The following AGPAT4 variants were observed in gnomAD, a reference collection of about 807,000 sequenced individuals.
AGPAT4 encodes the protein 1-acylglycerol-3-phosphate O-acyltransferase 4.
AGPAT4 carries 15 observed loss-of-function variants against 48.0 expected under a neutral mutation model. That is an observed-to-expected ratio of 0.31 (90% CI 0.21 to 0.48). The LOEUF (loss-of-function observed/expected upper bound fraction) is 0.48. AGPAT4 is among the 20% of genes least tolerant of loss of function. AGPAT4 has a pLI of 0.99. For missense variants in AGPAT4, 314 were observed against 482.5 expected (o/e 0.65, Z 3.27); for synonymous variants, 178 against 198.7 (o/e 0.90, Z 0.88).
At position 161,161,193 on chromosome 6, in the gene AGPAT4, G is replaced by C. The variant is rs1410034020; in HGVS notation, c.348+5055C>G. ...TGGCTTGTTAAAGACACTGCCAGAG[G>C]ATCCTGGTCAACAAAGAAGAAGACC... On this transcript the variant is annotated intron_variant, in intron 3 of 8. Coordinates refer to ENST00000320285, the MANE Select transcript of AGPAT4 (RefSeq NM_020133.3). The surrounding 1 kb of genome is among the most constrained non-coding windows in gnomAD (Gnocchi z 4.6). 2.2e-6 allele frequency: 1 copy of C among 456,726 alleles called. No individual in the cohort carries two copies. The highest frequency in any genetic ancestry group is 1.5e-5 in the South Asian group (1 of 64,574). 28.3% of individuals were successfully genotyped at this position (456,726 alleles called of 1,614,324 possible).
rs1417385175 is a variant in AGPAT4, at chr6:161,232,627, G to A, written c.-89-325C>T. Among the ~76,000 whole-genome samples the A allele has an allele frequency of 2.0e-5, 3 of 152,278 alleles. No homozygotes were observed. Among genetic ancestry groups the A allele is most frequent in the African/African-American group, 2.4e-5 (1 of 41,560 alleles). ...GCTGGGCAGCAGCTGAGCCAGCCAC[G>A]GAGCCCTGGGTCCCACTTGAGTGAC... is the stretch of plus-strand genomic sequence containing the variant. On this transcript the variant is annotated intron_variant, in intron 1 of 8. Coordinates refer to ENST00000320285, the MANE Select transcript of AGPAT4 (RefSeq NM_020133.3). This position sits in a 1 kb window ranked among gnomAD's most constrained non-coding sequence, Gnocchi z 6.8.
rs1056635565 is a variant in AGPAT4, at chr6:161,214,399, G to A, written c.178+17637C>T. On this transcript the variant is annotated intron_variant, in intron 2 of 8. Transcript: ENST00000320285. This position sits in a 1 kb window ranked among gnomAD's most constrained non-coding sequence, Gnocchi z 5.4. ...GGTTTCAGAAGCCTGTTGCTCCTAG[G>A]CTGCTCACCTGTACAGCATGTGACT... Among the ~76,000 whole-genome samples, 1 of 152,136 alleles carries A rather than the reference G, an allele frequency of 6.6e-6. No homozygotes were observed. Among genetic ancestry groups the A allele is most frequent in the South Asian group, 2.1e-4 (1 of 4,826 alleles).
rs1347084561 is a variant in AGPAT4 at position 161,219,692 on chromosome 6, A to C, written c.178+12344T>G. ...GCATCCATTCATACAATTCAGTATC[A>C]CATGTGTATTCCTAAACTTGCTGAT... is the stretch of plus-strand genomic sequence containing the variant. On this transcript the variant is annotated intron_variant, in intron 2 of 8. Coordinates refer to ENST00000320285, the MANE Select transcript of AGPAT4 (RefSeq NM_020133.3). The surrounding 1 kb of genome is among the most constrained non-coding windows in gnomAD (Gnocchi z 4.9). Among the ~76,000 whole-genome samples the C allele has an allele frequency of 6.6e-6, 1 of 152,220 alleles. No individual in the cohort carries two copies. The highest frequency in any genetic ancestry group is 1.5e-5 in the Non-Finnish European group (1 of 68,030).
In AGPAT4 at chr6:161,233,615, A is replaced by G. The variant is rs1275339559; in HGVS notation, c.-89-1313T>C. 6.6e-6 allele frequency among the ~76,000 whole-genome samples: 1 copy of G among 152,226 alleles called. No individual in the cohort carries two copies. The highest frequency in any genetic ancestry group is 2.4e-5 in the African/African-American group (1 of 41,456). ...GTTTTTCACTTTCAGTACAGTATTC[A>G]ATAAATTACAAGGCCTATTCAGCAC... On this transcript the variant is annotated intron_variant, in intron 1 of 8. Coordinates refer to ENST00000320285, the MANE Select transcript of AGPAT4 (RefSeq NM_020133.3). This position sits in a 1 kb window ranked among gnomAD's most constrained non-coding sequence, Gnocchi z 5.4.
rs1364223221 is a variant in AGPAT4 at position 161,165,057 on chromosome 6, C to T, written c.348+1191G>A. Among the ~76,000 whole-genome samples the T allele has an allele frequency of 6.6e-6, 1 of 152,156 alleles. No homozygotes were observed. Among genetic ancestry groups the T allele is most frequent in the Non-Finnish European group, 1.5e-5 (1 of 68,030 alleles). ...AACCCTGCCATTCACCCCTGGTATC[C>T]ATGACGGGGTTAGGACCATGACATT... On this transcript the variant is annotated intron_variant, in intron 3 of 8. Coordinates refer to ENST00000320285, the MANE Select transcript of AGPAT4 (RefSeq NM_020133.3). The surrounding 1 kb of genome is among the most constrained non-coding windows in gnomAD (Gnocchi z 5.5).
chr6:161,137,032 A>G lies in AGPAT4; in HGVS notation c.1043-398T>C, dbSNP rs1171433463. Among the ~76,000 whole-genome samples the G allele has an allele frequency of 1.3e-5, 2 of 152,220 alleles. No individual in the cohort carries two copies. Among genetic ancestry groups the G allele is most frequent in the Admixed American group, 6.5e-5 (1 of 15,284 alleles). On this transcript the variant is annotated intron_variant, in intron 8 of 8. Coordinates refer to ENST00000320285, the MANE Select transcript of AGPAT4 (RefSeq NM_020133.3). The surrounding 1 kb of genome is among the most constrained non-coding windows in gnomAD (Gnocchi z 6.1). ...GAAGTTTTATAAAGAACAGACCAGGAGCCTGGAAGACGCAAGAGCTCGAGT... is the reference window on the plus strand; with the variant it reads ...GAAGTTTTATAAAGAACAGACCAGGGGCCTGGAAGACGCAAGAGCTCGAGT...
chr6:161,168,529 C>T (rs1012739269), intron 2 of AGPAT4, among the ~76,000 whole-genome samples: 11 of 152,146 alleles, frequency 7.2e-5, no homozygotes, highest in South Asian at 2.1e-4. Context: ...AGAGCACGGG[C>T]GCCACGAGAC....
chr6:161,255,311 C>T lies in AGPAT4; in HGVS notation c.-90+18627G>A, dbSNP rs1168386070. ...ATTTTGGGAAGTGAATGAAACACAT[C>T]CAGCTGTAGTTCTTCTGATGTTAGA... On this transcript the variant is annotated intron_variant, in intron 1 of 8. Coordinates refer to ENST00000320285, the MANE Select transcript of AGPAT4 (RefSeq NM_020133.3). The surrounding 1 kb of genome is among the most constrained non-coding windows in gnomAD (Gnocchi z 4.7). Among the ~76,000 whole-genome samples the T allele has an allele frequency of 6.6e-6, 1 of 152,192 alleles. No homozygotes were observed. The highest frequency in any genetic ancestry group is 1.5e-5 in the Non-Finnish European group (1 of 68,034).
chr6:161,160,580 A>C (rs1779899207), intron 3 of AGPAT4: 1 of 184,658 alleles, frequency 5.4e-6, no homozygotes, highest in Non-Finnish European at 1.2e-5. Flanking sequence ...CAGGCCCCAA[A>C]CTATTCTGGG....
chr6:161,139,917 C>G lies in AGPAT4; in HGVS notation c.844-297G>C, dbSNP rs939606844. Among the ~76,000 whole-genome samples, 6 of 152,232 alleles carry G rather than the reference C, an allele frequency of 3.9e-5. No homozygotes were observed. Among genetic ancestry groups the G allele is most frequent in the African/African-American group, 1.4e-4 (6 of 41,464 alleles). The stretch of plus-strand genomic sequence containing the variant: ...CAGGCCAGCCTGGGCTAGGATCCAC[C>G]CTCTGTGGGCAGGCACCTGCATCCC... On this transcript the variant is annotated intron_variant, in intron 7 of 8. Transcript: ENST00000320285. The surrounding 1 kb of genome is among the most constrained non-coding windows in gnomAD (Gnocchi z 9.1).
rs1470901897 is a variant in AGPAT4 at position 161,204,701 on chromosome 6, A to T, written c.178+27335T>A. On this transcript the variant is annotated intron_variant, in intron 2 of 8. Coordinates refer to ENST00000320285, the MANE Select transcript of AGPAT4 (RefSeq NM_020133.3). The surrounding 1 kb of genome is among the most constrained non-coding windows in gnomAD (Gnocchi z 4.4). ...AGCTGTTAAAAAAAAATGTTCCCTA[A>T]ATTCACAGAATATGAGTGCTACAGT... Among the ~76,000 whole-genome samples the T allele has an allele frequency of 6.6e-6, 1 of 152,072 alleles. No individual in the cohort carries two copies. Among genetic ancestry groups the T allele is most frequent in the Non-Finnish European group, 1.5e-5 (1 of 68,028 alleles).
rs1200188304 is a variant in AGPAT4, at chr6:161,154,387, TA to T, written c.349-78del. ...CTGCCGGGGCTGTTGGAGACTGAAG[TA>T]GAAAAAGAGGAGGGGACGTTCACAC... On this transcript the variant is annotated intron_variant, in intron 3 of 8. Transcript: ENST00000320285. This position sits in a 1 kb window ranked among gnomAD's most constrained non-coding sequence, Gnocchi z 7.8. 9 of 1,562,580 alleles carry T rather than the reference TA, an allele frequency of 5.8e-6. No homozygotes were observed. In the African/African-American group the frequency reaches 1.2e-4, roughly 21 times the overall value.
In AGPAT4 at chr6:161,231,714, T is replaced by C. The variant is rs1486962521; in HGVS notation, c.178+322A>G. On this transcript the variant is annotated intron_variant, in intron 2 of 8. Coordinates refer to ENST00000320285, the MANE Select transcript of AGPAT4 (RefSeq NM_020133.3). This position sits in a 1 kb window ranked among gnomAD's most constrained non-coding sequence, Gnocchi z 5.3. ...TGCATTTACAAGTATAAGAGCTATA[T>C]GTATACTATTTCTGTAAGGATAACT... 6.6e-6 allele frequency among the ~76,000 whole-genome samples: 1 copy of C among 152,234 alleles called. No homozygotes were observed. The highest frequency in any genetic ancestry group is 1.5e-5 in the Non-Finnish European group (1 of 68,040).
chr6:161,263,003 A>G (rs1783147225), intron 1 of AGPAT4, among the ~76,000 whole-genome samples: 1 of 152,294 alleles, frequency 6.6e-6, no homozygotes, highest in Non-Finnish European at 1.5e-5. Flanking sequence ...GCGAGTGACC[A>G]GAGGCAGAAG....
rs1779139868 is a variant in AGPAT4 at position 161,138,263 on chromosome 6, A to AAAT, written c.1042+1156_1042+1158dup. On this transcript the variant is annotated intron_variant, in intron 8 of 8. Coordinates refer to ENST00000320285, the MANE Select transcript of AGPAT4 (RefSeq NM_020133.3). This position sits in a 1 kb window ranked among gnomAD's most constrained non-coding sequence, Gnocchi z 4.8. ...TTTAATATTTTAATTTTTAACACTA[A>AAAT]AATACATCTTAATCTTTCAAAAGAC... 6.6e-6 allele frequency among the ~76,000 whole-genome samples: 1 copy of AAAT among 152,180 alleles called. No homozygotes were observed. The highest frequency in any genetic ancestry group is 6.5e-5 in the Admixed American group (1 of 15,284).
Position 161,226,364 on chromosome 6 carries a change from C to T in AGPAT4, c.178+5672G>A, listed in dbSNP as rs532213849. On this transcript the variant is annotated intron_variant, in intron 2 of 8. Transcript: ENST00000320285. The surrounding 1 kb of genome is among the most constrained non-coding windows in gnomAD (Gnocchi z 6.3). ...GAGAAAAAGCAGCCCTGTCATTAATCAGGCAGGGAGGAGAAGCATAGAGGA... is the reference window on the plus strand; with the variant it reads ...GAGAAAAAGCAGCCCTGTCATTAATTAGGCAGGGAGGAGAAGCATAGAGGA... 1.3e-5 allele frequency among the ~76,000 whole-genome samples: 2 copies of T among 152,336 alleles called. No homozygotes were observed. The highest frequency in any genetic ancestry group is 6.5e-5 in the Admixed American group (1 of 15,306).
At position 161,254,066 on chromosome 6, in the gene AGPAT4, A is replaced by G. The variant is rs1782875556; in HGVS notation, c.-90+19872T>C. 6.6e-6 allele frequency among the ~76,000 whole-genome samples: 1 copy of G among 152,208 alleles called. No homozygotes were observed. The highest frequency in any genetic ancestry group is 1.5e-5 in the Non-Finnish European group (1 of 68,032). The stretch of plus-strand genomic sequence containing the variant: ...TTCAGGTGGATGTTTGGGGTTAGTG[A>G]GATAATAGGAAATACTCATTTTCTT... On this transcript the variant is annotated intron_variant, in intron 1 of 8. Transcript: ENST00000320285. The surrounding 1 kb of genome is among the most constrained non-coding windows in gnomAD (Gnocchi z 5.9).
Position 161,206,613 on chromosome 6 carries a change from A to G in AGPAT4, c.178+25423T>C, listed in dbSNP as rs1781385072. On this transcript the variant is annotated intron_variant, in intron 2 of 8. Coordinates refer to ENST00000320285, the MANE Select transcript of AGPAT4 (RefSeq NM_020133.3). The surrounding 1 kb of genome is among the most constrained non-coding windows in gnomAD (Gnocchi z 4.8). The stretch of plus-strand genomic sequence containing the variant: ...ACCGTCTAATAACATAATTCTCCAA[A>G]TGTCCAAGATACAATTGAAAAATCA... 6.6e-6 allele frequency among the ~76,000 whole-genome samples: 1 copy of G among 152,172 alleles called. No individual in the cohort carries two copies. Among genetic ancestry groups the G allele is most frequent in the Non-Finnish European group, 1.5e-5 (1 of 68,030 alleles).
chr6:161,188,862 C>T (rs570865736), intron 2 of AGPAT4, among the ~76,000 whole-genome samples: 3 of 152,182 alleles, frequency 2.0e-5, no homozygotes, highest in South Asian at 2.1e-4. Context: ...CTGGTGAGAT[C>T]GGCATCGCTA....
Sources: allele counts gnomAD v4.1 joint callset (sites outside exome capture counted in the v4.1 genomes callset), GRCh38; gene constraint gnomAD v4.1.1; non-coding constraint Gnocchi (gnomAD v3.1); transcripts MANE v1.5; gene names NCBI Gene and HGNC (gene_info 2026-07-23, HGNC 2026-07-21).